MARCO: variants seen among roughly 807,000 people sequenced by gnomAD.
MARCO encodes macrophage receptor with collagenous structure, also known as macrophage receptor MARCO.
A neutral mutation model predicts 70.0 loss-of-function variants in MARCO; 72 were observed. That is an observed-to-expected ratio of 1.03 (90% CI 0.85 to 1.25). The LOEUF is 1.25. Among genes scored for constraint, MARCO ranks in the 50% most tolerant of loss-of-function variants. The probability of loss-of-function intolerance (pLI) is 0.00; values close to 1 mark genes in which losing one functional copy is unlikely to be tolerated. For synonymous variants in MARCO, 273 were observed against 243.1 expected, an observed-to-expected ratio of 1.12 and a Z score of -1.14; for missense variants, 696 against 659.3, an observed-to-expected ratio of 1.06 and a Z score of -0.61.
At chr2:118,943,363 TC>T (rs1679539297) in intron 1 of MARCO, among the ~76,000 whole-genome samples, 1 of 152,204 alleles carries the variant, frequency 6.6e-6, no homozygotes, top group African/African-American at 2.4e-5. Flanking sequence ...AATGCAACAT[TC>T]TGGATACATG....
intron 1 of MARCO, among the ~76,000 whole-genome samples, chr2:118,946,398 G>A (rs192201592): frequency 1.5e-4 from 23 of 152,022 alleles, no homozygotes; most frequent in Admixed American, 5.9e-4. Flanking sequence ...TGCCATTTTG[G>A]GAATGTTACA....
At chr2:118,989,554 G>C (rs1680582789) in intron 12 of MARCO, among the ~76,000 whole-genome samples, 1 of 152,186 alleles carries the variant, frequency 6.6e-6, no homozygotes, top group South Asian at 2.1e-4. Context: ...TTCCAAGAAG[G>C]GGCCCTGAAG....
chr2:118,950,402 C>G (rs1558828900), intron 1 of MARCO, among the ~76,000 whole-genome samples: 1 of 152,140 alleles, frequency 6.6e-6, no homozygotes, highest in African/African-American at 2.4e-5. Context: ...TATGTTTACA[C>G]ACAGAATTTC....
chr2:118,965,984 G>A (rs1680037928), intron 1 of MARCO, among the ~76,000 whole-genome samples: 1 of 152,088 alleles, frequency 6.6e-6, no homozygotes, highest in Non-Finnish European at 1.5e-5. Context: ...GGTAGAGTGA[G>A]GACACCTGCT....
intron 1 of MARCO, among the ~76,000 whole-genome samples, chr2:118,948,685 G>A (rs1679650955): frequency 6.6e-6 from 1 of 152,074 alleles, no homozygotes; most frequent in African/African-American, 2.4e-5. Context: ...CTTCAAACTT[G>A]CTTAACATGT....
rs781421367 is a variant in MARCO, at chr2:118,981,455, G to A, written c.813G>A (p.Gly271=). ...RGMKGDAGVM[G]PPGAQGSKGD... ...TGAAAGGAGATGCAGGGGTCATGGG[G>A]CCTCCTGGAGCCCAGGGGAGTAAAG... Residue 271 remains glycine, a synonymous_variant, in exon 9 of 17, where the codon GGG becomes GGA. Transcript: ENST00000327097. 1.9e-6 allele frequency: 3 copies of A among 1,596,254 alleles called. No individual in the cohort carries two copies. Among genetic ancestry groups the A allele is most frequent in the East Asian group, 2.2e-5 (1 of 44,816 alleles).
chr2:118,981,005 G>T (rs139572270), intron 8 of MARCO, among the ~76,000 whole-genome samples: 5 of 152,310 alleles, frequency 3.3e-5, no homozygotes, highest in African/African-American at 1.2e-4. Context: ...CTCTATTGAT[G>T]CCTCAGAGTT....
chr2:118,958,125 A>C (rs1186153625), intron 1 of MARCO, among the ~76,000 whole-genome samples: 1 of 152,070 alleles, frequency 6.6e-6, no homozygotes, highest in Non-Finnish European at 1.5e-5. Flanking sequence ...ACTCCTCTTC[A>C]ACATAGTGCT....
chr2:118,978,208 G>T (rs1372743365), intron 8 of MARCO, among the ~76,000 whole-genome samples: 1 of 152,224 alleles, frequency 6.6e-6, no homozygotes, highest in African/African-American at 2.4e-5. Flanking sequence ...GGGATGAGGA[G>T]AGTGGGCCTG....
At position 118,975,163 on chromosome 2, in the gene MARCO, C is replaced by T. The variant is rs568329667; in HGVS notation, c.613+598C>T. On this transcript the variant is annotated intron_variant, in intron 6 of 16. Transcript: ENST00000327097. ...TTAATATAAATGGGTTCACGGGGCC[C>T]GGTCAGAGAATGGGGGGCCCAGAGC... is the stretch of plus-strand genomic sequence containing the variant. Among the ~76,000 whole-genome samples, 37 of 152,216 alleles carry T rather than the reference C, an allele frequency of 2.4e-4. No homozygotes were observed. In the South Asian group the frequency reaches 6.0e-3, roughly 25 times the overall value.
intron 1 of MARCO, among the ~76,000 whole-genome samples, chr2:118,954,532 G>T (rs1411657488): frequency 6.6e-6 from 1 of 152,138 alleles, no homozygotes; most frequent in Non-Finnish European, 1.5e-5. Context: ...GAGTTCTAGG[G>T]CCACACCCAC....
At position 118,969,207 on chromosome 2, in the gene MARCO, G is replaced by T; in HGVS notation, c.145G>T (p.Val49Leu). 1 of 1,614,206 alleles carries T rather than the reference G, an allele frequency of 6.2e-7. No individual in the cohort carries two copies. Among genetic ancestry groups the T allele is most frequent in the Non-Finnish European group, 8.5e-7 (1 of 1,180,024 alleles). The stretch of plus-strand genomic sequence containing the variant: ...TGGGGTGAACTTCTCCCTAGCTGTG[G>T]TGGTCATCTACCTGATCCTGCTCAC... ...RNGVNFSLAV[V>L]VIYLILLTAG... is the part of the protein sequence containing the mutation. Residue 49 changes from valine (V) to leucine (L), a missense_variant, in exon 2 of 17, where the codon GTG becomes TTG. Coordinates refer to ENST00000327097, the MANE Select transcript of MARCO (RefSeq NM_006770.4).
chr2:118,993,593 G>C (rs960657537), intron 16 of MARCO, among the ~76,000 whole-genome samples: 1 of 152,162 alleles, frequency 6.6e-6, no homozygotes, highest in Non-Finnish European at 1.5e-5. Context: ...GGTGTTTGCC[G>C]CAGATGGCTC....
At position 118,990,638 on chromosome 2, in the gene MARCO, A is replaced by G. The variant is rs745534079; in HGVS notation, c.1108+5A>G. On this transcript the variant is annotated splice_donor_5th_base_variant and intron_variant, in intron 13 of 16. Coordinates refer to ENST00000327097, the MANE Select transcript of MARCO (RefSeq NM_006770.4). ...AAGGAGAATCAGGAGTTCCAGGTAA[A>G]GGGCAGGCTGCATCTTCATCCCTCG... 3 of 1,595,866 alleles carry G rather than the reference A, an allele frequency of 1.9e-6. No homozygotes were observed. The South Asian group carries it at 3.3e-5, about 18-fold the overall frequency.
chr2:118,971,230 A>G (rs1224600709), intron 3 of MARCO, among the ~76,000 whole-genome samples: 1 of 151,568 alleles, frequency 6.6e-6, no homozygotes, highest in African/African-American at 2.4e-5. Context: ...GTTTGAAGCA[A>G]CCTCCTTTCC....
At chr2:118,952,394 G>C (rs1049123915) in intron 1 of MARCO, among the ~76,000 whole-genome samples, 2 of 152,154 alleles carry the variant, frequency 1.3e-5, no homozygotes, top group Admixed American at 1.3e-4. Flanking sequence ...TGGCGTGCAG[G>C]TATAAATCCC....
intron 1 of MARCO, among the ~76,000 whole-genome samples, chr2:118,951,088 C>G (rs1190959454): frequency 3.3e-5 from 5 of 152,178 alleles, no homozygotes; most frequent in Non-Finnish European, 7.3e-5. Context: ...AAACAGCTCC[C>G]ACCTTTGAGC....
At chr2:118,949,977 G>A (rs1679688077) in intron 1 of MARCO, 1 of 152,186 alleles carries the variant, frequency 6.6e-6, no homozygotes, top group South Asian at 2.1e-4. Context: ...TAATTTCTAA[G>A]AAATTGATCT....
chr2:118,952,044 TC>T (rs1679732729), intron 1 of MARCO, among the ~76,000 whole-genome samples: 1 of 152,122 alleles, frequency 6.6e-6, no homozygotes, highest in African/African-American at 2.4e-5. Context: ...TCCTTCCCCT[TC>T]CCCTAGGGGA....
Sources: allele counts gnomAD v4.1 joint callset (sites outside exome capture counted in the v4.1 genomes callset), GRCh38; gene constraint gnomAD v4.1.1; transcripts MANE v1.5; gene names NCBI Gene and HGNC (gene_info 2026-07-23, HGNC 2026-07-21).